RFX6: variants seen among roughly 807,000 people sequenced by gnomAD.
RFX6 encodes the protein DNA-binding protein RFX6.
In RFX6, 50 loss-of-function variants were observed where a neutral mutation model predicts 110.8. That is an observed-to-expected ratio of 0.45 (90% confidence interval 0.36 to 0.57). The LOEUF (loss-of-function observed/expected upper bound fraction) is 0.57. Among genes scored for constraint, RFX6 ranks in the 20% least tolerant of loss-of-function variants. RFX6 has a pLI of 0.00. For missense variants in RFX6, 990 were observed against 1,127.0 expected (o/e 0.88, Z 1.74); for synonymous variants, 383 against 411.2 (o/e 0.93, Z 0.83).
chr6:116,918,341 G>A (rs1471927282), intron 10 of RFX6, among the ~76,000 whole-genome samples: 3 of 151,814 alleles, frequency 2.0e-5, no homozygotes, highest in Non-Finnish European at 4.4e-5. Context: ...GTTGATCTTC[G>A]AGAAATTTTT....
At chr6:116,928,080 TA>T (rs34807787) in intron 17 of RFX6, among the ~76,000 whole-genome samples, 64 of 143,852 alleles carry the variant, frequency 4.4e-4, no homozygotes, top group Non-Finnish European at 5.1e-4. Context: ...CCGCATATGT[TA>T]AAAAAAAAAA....
At chr6:116,891,817 C>T (rs1180456075) in intron 4 of RFX6, among the ~76,000 whole-genome samples, 2 of 152,012 alleles carry the variant, frequency 1.3e-5, no homozygotes, top group East Asian at 1.9e-4. Context: ...TCTTTCTTTT[C>T]GTTTCTAATT....
At chr6:116,914,238 A>G (rs1247266890) in intron 7 of RFX6, among the ~76,000 whole-genome samples, 1 of 152,042 alleles carries the variant, frequency 6.6e-6, no homozygotes, top group Non-Finnish European at 1.5e-5. Flanking sequence ...AGTTCCATCC[A>G]TGTTGCTGCA....
At chr6:116,904,203 T>A (rs1228760657) in intron 6 of RFX6, among the ~76,000 whole-genome samples, 1 of 152,128 alleles carries the variant, frequency 6.6e-6, no homozygotes, top group Non-Finnish European at 1.5e-5. Context: ...GAAATGTTTG[T>A]TCAGATCATA....
intron 2 of RFX6, among the ~76,000 whole-genome samples, 173 bp downstream of exon 2, chr6:116,878,125 T>C (rs141618085): frequency 6.6e-6 from 1 of 152,354 alleles, no homozygotes; most frequent in East Asian, 1.9e-4. Flanking sequence ...GTATAGAGAC[T>C]TATACAAGTA....
At chr6:116,903,256 T>C (rs948191827) in intron 6 of RFX6, among the ~76,000 whole-genome samples, 4 of 152,032 alleles carry the variant, frequency 2.6e-5, no homozygotes, top group Non-Finnish European at 5.9e-5. Context: ...ATTTTAAGGT[T>C]TTTTGGGGCC....
intron 6 of RFX6, 21 bp downstream of exon 6, chr6:116,895,228 TA>T (rs1774918146): frequency 7.5e-7 from 1 of 1,334,556 alleles, no homozygotes; most frequent in African/African-American, 1.4e-5. Context: ...TTTTCATCTC[TA>T]TTTTACATCT....
chr6:116,889,077 A>G (rs1374940541), intron 4 of RFX6, among the ~76,000 whole-genome samples: 4 of 152,160 alleles, frequency 2.6e-5, no homozygotes, highest in Admixed American at 1.3e-4. Flanking sequence ...AAAGCATTAC[A>G]GTGGTCATTG....
intron 18 of RFX6, among the ~76,000 whole-genome samples, chr6:116,929,472 C>G (rs1775834257): frequency 6.6e-6 from 1 of 152,068 alleles, no homozygotes; most frequent in African/African-American, 2.4e-5. Flanking sequence ...AAATGTGATT[C>G]AACACCTCTG....
chr6:116,900,392 T>C (rs1395649260), intron 6 of RFX6, among the ~76,000 whole-genome samples: 2 of 152,026 alleles, frequency 1.3e-5, no homozygotes, highest in African/African-American at 4.8e-5. Context: ...GTAGCTGGGA[T>C]TACAGGCGTG....
chr6:116,889,605 C>CA (rs1031483214), intron 4 of RFX6, among the ~76,000 whole-genome samples: 2 of 151,844 alleles, frequency 1.3e-5, no homozygotes, highest in African/African-American at 4.8e-5. Context: ...ATGGAGAGTT[C>CA]AAAAAACCAA....
At chr6:116,894,188 A>T in intron 5 of RFX6, 124 bp downstream of exon 5, 1 of 713,904 alleles carries the variant, frequency 1.4e-6, no homozygotes, top group Non-Finnish European at 2.6e-6. Context: ...TCAGACCTTA[A>T]TGTCCGCTTT....
rs780254326 is a variant in RFX6, at chr6:116,893,983, C to T, written c.567-4C>T. The T allele has an allele frequency of 1.9e-6, 3 of 1,559,728 alleles. No homozygotes were observed. The African/African-American group carries it at 4.1e-5, about 21-fold the overall frequency. On this transcript the variant is annotated splice_region_variant and splice_polypyrimidine_tract_variant and intron_variant, in intron 4 of 18. Transcript: ENST00000332958. ...CACAGAGCTGGTTCCTGTCTTTGCT[C>T]TAGGTATCATTACTATGGGATTGGC...
chr6:116,907,414 A>G (rs1236159159), intron 6 of RFX6, among the ~76,000 whole-genome samples: 1 of 152,110 alleles, frequency 6.6e-6, no homozygotes. Context: ...AATTCCTTGG[A>G]AAACTTTGAG....
Position 116,882,368 on chromosome 6 carries a change from C to T in RFX6, c.506C>T (p.Thr169Ile), listed in dbSNP as rs2114662048. 1 of 1,611,968 alleles carries T rather than the reference C, an allele frequency of 6.2e-7. No homozygotes were observed. The highest frequency in any genetic ancestry group is 8.5e-7 in the Non-Finnish European group (1 of 1,178,260). ...TAAAGTAATCATCTTTCTTTTTAGA[C>T]AATTCGCCAGAAGTTTCCCCTCCTA... ...EPACAATFGK[T>I]IRQKFPLLTT... is the part of the protein sequence containing the mutation. Residue 169 changes from threonine to isoleucine, a missense_variant and splice_region_variant, in exon 4 of 19, where the codon ACA (threonine) becomes ATA (isoleucine). Thr to Ile is a moderately conservative substitution (Grantham distance 89, BLOSUM62 -1). Around this residue, in one of 5 missense-constraint regions of RFX6, gnomAD observed 243 missense variants for 353.1 expected, o/e 0.69. Transcript: ENST00000332958.
intron 11 of RFX6, among the ~76,000 whole-genome samples, chr6:116,919,576 G>A (rs958200532): frequency 6.6e-6 from 1 of 152,148 alleles, no homozygotes; most frequent in Non-Finnish European, 1.5e-5. Flanking sequence ...AAGCTGGATG[G>A]AGAGTATATG....
At chr6:116,926,882 G>T in intron 16 of RFX6, 145 bp from the exon 17 acceptor site, 2 of 729,108 alleles carry the variant, frequency 2.7e-6, no homozygotes, top group Non-Finnish European at 2.3e-6. Context: ...GATTTTTGGT[G>T]CTTTTCAGTT....
intron 7 of RFX6, among the ~76,000 whole-genome samples, chr6:116,914,956 T>C (rs1285077328): frequency 6.6e-6 from 1 of 152,214 alleles, no homozygotes; most frequent in South Asian, 2.1e-4. Context: ...GTGTGCCTAA[T>C]GTTACATAAC....
chr6:116,884,115 T>G (rs1774649767), intron 4 of RFX6, among the ~76,000 whole-genome samples: 1 of 152,180 alleles, frequency 6.6e-6, no homozygotes, highest in Non-Finnish European at 1.5e-5. Flanking sequence ...TTATGCTGTC[T>G]TCCCCTGGAG....
Sources: allele counts gnomAD v4.1 joint callset (sites outside exome capture counted in the v4.1 genomes callset), GRCh38; gene constraint gnomAD v4.1.1; regional missense constraint gnomAD v4.1.1; transcripts MANE v1.5; gene names NCBI Gene and HGNC (gene_info 2026-07-23, HGNC 2026-07-21).